The following RESP18 variants were observed in gnomAD, a reference collection of about 807,000 sequenced individuals.
The protein encoded by RESP18 is regulated endocrine specific protein 18.
In RESP18, 30 loss-of-function variants were observed where a neutral mutation model predicts 30.0. That is an observed-to-expected ratio of 1.00 (90% CI 0.75 to 1.36). RESP18 has a LOEUF of 1.36. Among genes scored for constraint, RESP18 ranks in the 40% most tolerant of loss-of-function variants. The pLI is 0.00. For missense variants in RESP18, 320 were observed against 284.2 expected (o/e 1.13, Z -0.91); for synonymous variants, 117 against 111.2 (o/e 1.05, Z -0.33).
intron 6 of RESP18, among the ~76,000 whole-genome samples, chr2:219,328,163 T>C (rs1559314839): frequency 6.6e-6 from 1 of 152,234 alleles, no homozygotes; most frequent in Non-Finnish European, 1.5e-5. Context: ...TAAAATCATA[T>C]CACGTTGTGA....
chr2:219,331,395 A>G (rs1952828843), intron 2 of RESP18, among the ~76,000 whole-genome samples: 1 of 152,168 alleles, frequency 6.6e-6, no homozygotes, highest in Non-Finnish European at 1.5e-5. Context: ...CCCTAATGCT[A>G]TGCACACCTT....
intron 2 of RESP18, among the ~76,000 whole-genome samples, chr2:219,331,662 G>C (rs1392899927): frequency 6.6e-6 from 1 of 152,092 alleles, no homozygotes; most frequent in Non-Finnish European, 1.5e-5. Context: ...AAGGGGAGCT[G>C]ATTCTCTGAG....
intron 6 of RESP18, 91 bp from the exon 6 acceptor site, chr2:219,327,654 C>T (rs915608314): frequency 1.2e-5 from 13 of 1,121,762 alleles, no homozygotes; most frequent in African/African-American, 1.1e-4. Flanking sequence ...ACTGTAGTAA[C>T]AGCCTGATTT....
At position 219,332,657 on chromosome 2, in the gene RESP18, C is replaced by T. The variant is rs1000598062; in HGVS notation, c.99G>A (p.Pro33=). ...TCCCAGGCTCGGCGCGCTCACTCCCCGGCCAAGTCTCAGTGAAGGTAGCGG... is the reference window on the plus strand; with the variant it reads ...TCCCAGGCTCGGCGCGCTCACTCCCTGGCCAAGTCTCAGTGAAGGTAGCGG... The change falls in exon 2 of 7, where the codon CCG becomes CCA. Residue 33 remains proline (P), a synonymous_variant. Coordinates refer to ENST00000333527, the MANE Select transcript of RESP18 (RefSeq NM_001007089.4). 1.3e-6 allele frequency: 2 copies of T among 1,551,336 alleles called. No individual in the cohort carries two copies. Among genetic ancestry groups the T allele is most frequent in the South Asian group, 2.4e-5 (2 of 84,054 alleles).
intron 2 of RESP18, among the ~76,000 whole-genome samples, chr2:219,331,819 C>T (rs374669860): frequency 2.0e-5 from 3 of 152,200 alleles, no homozygotes; most frequent in African/African-American, 7.2e-5. Context: ...GAGACATCTC[C>T]GCAAGGCTTG....
At chr2:219,328,630 C>G (rs1430478991) in intron 6 of RESP18, among the ~76,000 whole-genome samples, 1 of 152,136 alleles carries the variant, frequency 6.6e-6, no homozygotes, top group African/African-American at 2.4e-5. Context: ...ATGGCCTGGG[C>G]CCCAATTTCT....
intron 1 of RESP18, 42 bp from the exon 1 acceptor site, chr2:219,332,786 C>A (rs755224210): frequency 7.0e-7 from 1 of 1,435,772 alleles, no homozygotes; most frequent in South Asian, 1.3e-5. Context: ...CGGGCCCTGC[C>A]CCTGCGGTCG....
chr2:219,328,540 G>T (rs1952796518), intron 6 of RESP18, among the ~76,000 whole-genome samples: 1 of 152,230 alleles, frequency 6.6e-6, no homozygotes, highest in South Asian at 2.1e-4. Flanking sequence ...ACTATGCAGG[G>T]GGAAAGAGCT....
chr2:219,331,355 A>T (rs193219943), intron 2 of RESP18, among the ~76,000 whole-genome samples: 1 of 150,658 alleles, frequency 6.6e-6, no homozygotes, highest in Non-Finnish European at 1.5e-5. Context: ...ACTGTGCATG[A>T]GAGGAAGGAC....
chr2:219,333,115 A>T (rs1559316946), intron 1 of RESP18: 1 of 1,030,834 alleles, frequency 9.7e-7, no homozygotes, highest in Non-Finnish European at 1.2e-6. Context: ...ATATATATAT[A>T]ATATTATATA....
chr2:219,328,558 A>G (rs1157246854), intron 6 of RESP18, among the ~76,000 whole-genome samples: 2 of 152,244 alleles, frequency 1.3e-5, no homozygotes, highest in African/African-American at 4.8e-5. Context: ...GCTGGAAATC[A>G]GGAGACCTGG....
At chr2:219,329,597 C>T in intron 4 of RESP18, 40 bp downstream of exon 3, 1 of 1,548,984 alleles carries the variant, frequency 6.5e-7, no homozygotes, top group Non-Finnish European at 8.7e-7. Context: ...CGTCTGTCTG[C>T]CAGAATGCTT....
Position 219,331,117 on chromosome 2 carries a change from A to C in RESP18, c.233-242T>G. 7.0e-6 allele frequency: 3 copies of C among 427,140 alleles called. No homozygotes were observed. The South Asian group carries it at 9.3e-5, about 13-fold the overall frequency. 26.5% of individuals were successfully genotyped at this position (427,140 alleles called of 1,614,324 possible). ...CCAACTTACAGATAACCAGATTTAC[A>C]AAGAGCAGCCTGTAGAAGTTCAGAT... is the stretch of plus-strand genomic sequence containing the variant. On this transcript the variant is annotated intron_variant, in intron 2 of 6. Transcript: ENST00000333527.
chr2:219,329,875 A>T, intron 3 of RESP18, 111 bp from the exon 3 acceptor site: 2 of 1,100,418 alleles, frequency 1.8e-6, no homozygotes, highest in Non-Finnish European at 1.3e-6. Flanking sequence ...TTTACAGAGA[A>T]TTAAACAAGA....
chr2:219,332,747 C>T lies in RESP18; in HGVS notation c.18-9G>A, dbSNP rs1326725529. On this transcript the variant is annotated splice_polypyrimidine_tract_variant and intron_variant, in intron 1 of 6. Coordinates refer to ENST00000333527, the MANE Select transcript of RESP18 (RefSeq NM_001007089.4). ...AGCCCGCGACTCCGAATCTGTTTAACCCTCCTCGGCAGTTCAGCCAATCGT... is the reference window on the plus strand; with the variant it reads ...AGCCCGCGACTCCGAATCTGTTTAATCCTCCTCGGCAGTTCAGCCAATCGT... The T allele has an allele frequency of 6.5e-7, 1 of 1,527,610 alleles. No homozygotes were observed. Among genetic ancestry groups the T allele is most frequent in the South Asian group, 1.2e-5 (1 of 82,178 alleles). 94.6% of individuals were successfully genotyped at this position (1,527,610 alleles called of 1,614,324 possible).
rs772178296 is a variant in RESP18 at position 219,333,113 on chromosome 2, ATAATATTAT to A, written c.17+39_17+47del. ...GGTTCGATCTGCTATATATATATAT[ATAATATTAT>A]ATATTATATATTATATATGGCACAT... On this transcript the variant is annotated intron_variant, in intron 1 of 6. Transcript: ENST00000333527. 8,765 of 1,244,952 alleles carry A rather than the reference ATAATATTAT, an allele frequency of 7.0e-3. 383 individuals carry two copies. The African/African-American group carries it at 0.11, about 16-fold the overall frequency. 77.1% of individuals were successfully genotyped at this position (1,244,952 alleles called of 1,614,324 possible).
chr2:219,328,239 G>T (rs1208348998), intron 6 of RESP18, among the ~76,000 whole-genome samples: 4 of 152,154 alleles, frequency 2.6e-5, no homozygotes, highest in African/African-American at 4.8e-5. Context: ...CAAACCTTTT[G>T]CTATGATCTG....
chr2:219,331,745 C>T (rs575827680), intron 2 of RESP18, among the ~76,000 whole-genome samples: 1 of 152,262 alleles, frequency 6.6e-6, no homozygotes, highest in African/African-American at 2.4e-5. Flanking sequence ...GCGCGCCTGG[C>T]GCTGTCCGTG....
chr2:219,328,334 A>G (rs1413528368), intron 6 of RESP18, among the ~76,000 whole-genome samples: 1 of 152,128 alleles, frequency 6.6e-6, no homozygotes, highest in Non-Finnish European at 1.5e-5. Context: ...TTAACATGAC[A>G]TGGTATGGGT....
Sources: gnomAD v4.1 joint callset for allele counts (sites outside exome capture counted in the v4.1 genomes callset) on GRCh38, gnomAD v4.1.1 for gene constraint, MANE v1.5 for transcripts, NCBI Gene and HGNC (gene_info 2026-07-23, HGNC 2026-07-21) for gene names.